Variants in NFAT5 observed in about 807,000 individuals in gnomAD.
NFAT5 encodes the protein nuclear factor of activated T cells 5.
Under a neutral mutation model 166.5 loss-of-function variants are expected in NFAT5, and 31 were observed. The ratio of observed to expected loss-of-function variants is 0.19; its 90% CI spans 0.14 to 0.25. NFAT5 has a LOEUF of 0.25. Ranked by LOEUF, NFAT5 falls within the 10% of genes least tolerant of loss-of-function variation. NFAT5 has a pLI of 1.00. For synonymous variants in NFAT5, 612 were observed against 639.7 expected, an observed-to-expected ratio of 0.96 and a Z score of 0.65; for missense variants, 1,449 against 1,821.8, an observed-to-expected ratio of 0.80 and a Z score of 3.72.
chr16:69,679,621 A>C (rs1597535113), intron 10 of NFAT5, among the ~76,000 whole-genome samples: 5 of 152,242 alleles, frequency 3.3e-5, no homozygotes, highest in Non-Finnish European at 5.9e-5. Context: ...TCAATAAATA[A>C]ATAAATAAAT....
intron 2 of NFAT5, among the ~76,000 whole-genome samples, chr16:69,587,631 T>C (rs2032166353): frequency 6.6e-6 from 1 of 152,070 alleles, no homozygotes; most frequent in Non-Finnish European, 1.5e-5. Flanking sequence ...TTAAGTGATC[T>C]GCCCACCTCC....
At chr16:69,568,342 A>ATGTGTGTGTG (rs1490882720) in intron 1 of NFAT5, among the ~76,000 whole-genome samples, 153 bp from the exon 2 acceptor site, 120 of 47,910 alleles carry the variant, frequency 2.5e-3, no homozygotes, top group South Asian at 0.014. Flanking sequence ...GTGTATATAT[A>ATGTGTGTGTG]TATATGTGTG....
intron 2 of NFAT5, among the ~76,000 whole-genome samples, chr16:69,599,813 A>G (rs1431211381): frequency 1.3e-5 from 2 of 152,176 alleles, no homozygotes; most frequent in Non-Finnish European, 2.9e-5. Flanking sequence ...AGAAGTAGCA[A>G]TAAAGGCAGT....
At chr16:69,671,483 G>A (rs948080492) in intron 9 of NFAT5, among the ~76,000 whole-genome samples, 2 of 152,318 alleles carry the variant, frequency 1.3e-5, no homozygotes, top group East Asian at 3.9e-4. Context: ...CAATTCTCCT[G>A]TCTCAGCCTC....
chr16:69,626,346 AT>A (rs2034458978), intron 2 of NFAT5, 56 bp from the exon 3 acceptor site: 1 of 1,495,388 alleles, frequency 6.7e-7, no homozygotes, highest in African/African-American at 1.4e-5. Context: ...TGCATATTAG[AT>A]TGTTGACTGA....
chr16:69,619,096 G>A (rs543078715), intron 2 of NFAT5, among the ~76,000 whole-genome samples: 8 of 152,238 alleles, frequency 5.3e-5, no homozygotes, highest in African/African-American at 1.9e-4. Context: ...AAATAAGACA[G>A]TCTTGAGAAA....
At chr16:69,603,334 A>T (rs2033238202) in intron 2 of NFAT5, among the ~76,000 whole-genome samples, 1 of 152,214 alleles carries the variant, frequency 6.6e-6, no homozygotes, top group African/African-American at 2.4e-5. Context: ...GTAGTAGAAC[A>T]TTATAACTGA....
intron 2 of NFAT5, among the ~76,000 whole-genome samples, chr16:69,575,099 AT>A (rs2016669239): frequency 6.6e-6 from 1 of 152,098 alleles, no homozygotes; most frequent in Non-Finnish European, 1.5e-5. Flanking sequence ...TGAATTTGGT[AT>A]TTAGTTTTGA....
At position 69,694,133 on chromosome 16, in the gene NFAT5, G is replaced by C; in HGVS notation, c.4308G>C (p.Gln1436His). 1 of 1,614,130 alleles carries C rather than the reference G, an allele frequency of 6.2e-7. No homozygotes were observed. Among genetic ancestry groups the C allele is most frequent in the Non-Finnish European group, 8.5e-7 (1 of 1,180,032 alleles). ...GAGCCACATCTTCGCCTCAACCACA[G>C]GCTACTTTATTTCACAACACAGCAG... ...IQGATSSPQP[Q>H]ATLFHNTAGG... is the part of the protein sequence containing the mutation. The change falls in exon 13 of 15, where the codon CAG (glutamine) becomes CAC (histidine). Residue 1436 changes from glutamine (Q) to histidine (H), a missense_variant. By Grantham distance (24) the Gln-to-His change is conservative. Around this residue, in one of 7 missense-constraint regions of NFAT5, gnomAD observed 891 missense variants for 993.0 expected, o/e 0.90. Transcript: ENST00000349945.
chr16:69,568,326 G>A (rs2016199422), intron 1 of NFAT5, among the ~76,000 whole-genome samples, 169 bp from the exon 2 acceptor site: 1 of 136,198 alleles, frequency 7.3e-6, no homozygotes, highest in South Asian at 2.5e-4. Context: ...GTTTCAAAAT[G>A]TATGTGTGTA....
At chr16:69,620,887 G>T (rs8049728) in intron 2 of NFAT5, among the ~76,000 whole-genome samples, 82,855 of 152,028 alleles carry the variant, frequency 0.54, 24,047 homozygotes, top group East Asian at 0.81. Flanking sequence ...CATTTGAAAA[G>T]TCATATCTTT....
intron 2 of NFAT5, among the ~76,000 whole-genome samples, chr16:69,601,723 G>A (rs1210428798): frequency 6.6e-6 from 1 of 152,066 alleles, no homozygotes; most frequent in Non-Finnish European, 1.5e-5. Flanking sequence ...CTTTGGTGAT[G>A]GACTATTATT....
At chr16:69,688,227 C>CAAAAAAAAAAAAAAAAAAA (rs1309361684) in intron 11 of NFAT5, among the ~76,000 whole-genome samples, 1 of 114,222 alleles carries the variant, frequency 8.8e-6, no homozygotes, top group Non-Finnish European at 1.8e-5. Flanking sequence ...AAAAAAAAAA[C>CAAAAAAAAAAAAAAAAAAA]CAGGAGTTTG....
chr16:69,647,418 T>C lies in NFAT5; in HGVS notation c.644T>C (p.Val215Ala). 2 of 1,614,082 alleles carry C rather than the reference T, an allele frequency of 1.2e-6. No individual in the cohort carries two copies. The highest frequency in any genetic ancestry group is 1.7e-6 in the Non-Finnish European group (2 of 1,180,008). The change falls in exon 4 of 15, where the codon GTA becomes GCA. Residue 215 changes from valine to alanine, a missense_variant. Val to Ala is a moderately conservative substitution (Grantham distance 64). Transcript: ENST00000349945. This position sits in a 1 kb window ranked among gnomAD's most constrained non-coding sequence, Gnocchi z 4.8. ...AGTTCCTACAATGATAACACTGAGG[T>C]ACCTCGTAAATCACGAAAACGAAAT... The part of the protein sequence containing the change: ...STSSYNDNTE[V>A]PRKSRKRNPK...
At chr16:69,590,393 A>G (rs2032388394) in intron 2 of NFAT5, among the ~76,000 whole-genome samples, 1 of 152,210 alleles carries the variant, frequency 6.6e-6, no homozygotes. Context: ...AAAAAACTGT[A>G]TTAGTCAAAG....
rs2035752956 is a variant in NFAT5, at chr16:69,653,333, G to A, written c.910G>A (p.Val304Ile). The change falls in exon 5 of 15, where the codon GTA becomes ATA. Residue 304 changes from valine (V) to isoleucine (I), a missense_variant. Coordinates refer to ENST00000349945, the MANE Select transcript of NFAT5 (RefSeq NM_138713.4). ...KSEGKELKIV[V>I]QPETQHRARY... ...TGAGGGAAAGGAGCTGAAGATAGTTGTACAACCTGAGACACAGCACCGAGC... is the reference window on the plus strand; with the variant it reads ...TGAGGGAAAGGAGCTGAAGATAGTTATACAACCTGAGACACAGCACCGAGC... 6.2e-7 allele frequency: 1 copy of A among 1,613,312 alleles called. No homozygotes were observed. The highest frequency in any genetic ancestry group is 8.5e-7 in the Non-Finnish European group (1 of 1,179,758).
intron 7 of NFAT5, among the ~76,000 whole-genome samples, chr16:69,662,542 C>T (rs1190025820): frequency 3.4e-5 from 5 of 148,452 alleles, no homozygotes; most frequent in South Asian, 2.1e-4. Context: ...TCACTGCAAG[C>T]TCCACCTCCC....
chr16:69,648,548 C>G (rs974226925), intron 4 of NFAT5: 1 of 984,684 alleles, frequency 1.0e-6, no homozygotes, highest in Non-Finnish European at 1.2e-6. Context: ...TTTCTTTCAT[C>G]TCTGCCAGTC....
At chr16:69,684,818 A>C in intron 10 of NFAT5, 69 bp from the exon 11 acceptor site, 1 of 990,886 alleles carries the variant, frequency 1.0e-6, no homozygotes, top group Non-Finnish European at 1.5e-6. Flanking sequence ...ATTCTAATTA[A>C]AGAATTTAAG....
Sources: allele counts gnomAD v4.1 joint callset (sites outside exome capture counted in the v4.1 genomes callset), GRCh38; gene constraint gnomAD v4.1.1; regional missense constraint gnomAD v4.1.1; non-coding constraint Gnocchi (gnomAD v3.1); transcripts MANE v1.5; gene names NCBI Gene and HGNC (gene_info 2026-07-23, HGNC 2026-07-21).